Variants in CHRNA4 observed in about 807,000 individuals in gnomAD.
CHRNA4 encodes cholinergic receptor nicotinic alpha 4 subunit.
A neutral mutation model predicts 48.9 loss-of-function variants in CHRNA4; 28 were observed. That is an observed-to-expected ratio of 0.57 (90% CI 0.42 to 0.79). The LOEUF (loss-of-function observed/expected upper bound fraction) is 0.79, where lower values mean the gene tolerates loss of function less well. Among genes scored for constraint, CHRNA4 ranks in the 30% least tolerant of loss-of-function variants. CHRNA4 has a pLI of 0.00. For missense variants in CHRNA4, 859 were observed against 898.4 expected (o/e 0.96, Z 0.56); for synonymous variants, 425 against 402.3 (o/e 1.06, Z -0.68).
chr20:63,356,338 AG>A, intron 3 of CHRNA4, 32 bp downstream of exon 3: 4 of 782,432 alleles, frequency 5.1e-6, no homozygotes, highest in Non-Finnish European at 6.1e-6. Flanking sequence ...GGGGGAGGGC[AG>A]GGGTGGGGCA....
chr20:63,359,784 C>A, intron 1 of CHRNA4, 85 bp from the exon 2 acceptor site: 4 of 1,520,350 alleles, frequency 2.6e-6, no homozygotes, highest in East Asian at 2.4e-5. Context: ...CTGCCCCAGC[C>A]CCCTGCCCAG....
intron 2 of CHRNA4, 152 bp downstream of exon 2, chr20:63,359,396 G>T: frequency 1.0e-6 from 1 of 967,460 alleles, no homozygotes; most frequent in Non-Finnish European, 1.6e-6. Flanking sequence ...GCGGGGCAGA[G>T]CTGGTGGCTG....
In CHRNA4 at chr20:63,349,917, G is replaced by A. The variant is rs137860047; in HGVS notation, c.1494C>T (p.Ala498=). Residue 498 remains alanine, a synonymous_variant, in exon 5 of 6, where the codon GCC becomes GCT. Transcript: ENST00000370263. ...CAGCCTGGCCATCTGCCTCGGGGGCGGCATCGTCTCGGGGAACACAGTACT... is the reference window on the plus strand; with the variant it reads ...CAGCCTGGCCATCTGCCTCGGGGGCAGCATCGTCTCGGGGAACACAGTACT... ...SIQYCVPRDD[A]APEADGQAAG... 5.8e-5 allele frequency: 93 copies of A among 1,594,152 alleles called. 1 individual carries two copies. Among genetic ancestry groups the A allele is most frequent in the South Asian group, 2.2e-4 (20 of 89,162 alleles).
At chr20:63,354,260 T>TGG (rs1209224207) in intron 4 of CHRNA4, among the ~76,000 whole-genome samples, 1 of 58,170 alleles carries the variant, frequency 1.7e-5, no homozygotes, top group Admixed American at 2.7e-4. Context: ...GCTGTGGTCC[T>TGG]GGGGGGCTGT....
rs932840680 is a variant in CHRNA4, at chr20:63,346,015, G to C, written c.*723C>G. ...CTGGGGCTGGGTGTTCCTGTCCCCC[G>C]CGGAGGGCCTGCGCAGGGGAGAGCT... On this transcript the variant is annotated 3_prime_UTR_variant, in exon 6 of 6. Coordinates refer to ENST00000370263, the MANE Select transcript of CHRNA4 (RefSeq NM_000744.7). The C allele has an allele frequency of 2.2e-6, 1 of 454,018 alleles. No homozygotes were observed. Among genetic ancestry groups the C allele is most frequent in the Admixed American group, 2.3e-5 (1 of 42,578 alleles). The allele number at this position is 454,018 out of a possible 1,614,324, so 28.1% of individuals were successfully genotyped here. A position where few individuals can be genotyped will look rare whatever the true frequency, so the allele number is the denominator to read the frequency against.
intron 4 of CHRNA4, 70 bp downstream of exon 4, chr20:63,355,905 C>A: frequency 2.5e-6 from 4 of 1,586,114 alleles, no homozygotes; most frequent in Non-Finnish European, 3.4e-6. Flanking sequence ...CCTGTCTGGG[C>A]AGGGGCAGGC....
intron 4 of CHRNA4, chr20:63,354,509 T>C (rs1263963892): frequency 2.3e-6 from 2 of 864,736 alleles, no homozygotes; most frequent in Middle Eastern, 1.2e-3. Flanking sequence ...CTAGAGGAAC[T>C]GTGGTCCTGG....
Position 63,350,211 on chromosome 20 carries a change from G to A in CHRNA4, c.1200C>T (p.Ser400=), listed in dbSNP as rs121912270. Residue 400 remains serine, a synonymous_variant, in exon 5 of 6, where the codon AGC becomes AGT. Coordinates refer to ENST00000370263, the MANE Select transcript of CHRNA4 (RefSeq NM_000744.7). ...GEPPATSGTQ[S]LHPPSPSFCV... Reference sequence around the variant, plus strand: ...AGAAGGACGGTGAGGGCGGGTGCAGGCTCTGGGTGCCGCTCGTGGCAGGGG... The same window carrying A: ...AGAAGGACGGTGAGGGCGGGTGCAGACTCTGGGTGCCGCTCGTGGCAGGGG... 2 of 1,604,728 alleles carry A rather than the reference G, an allele frequency of 1.2e-6. No individual in the cohort carries two copies. The highest frequency in any genetic ancestry group is 2.2e-5 in the South Asian group (2 of 90,146).
Position 63,346,463 on chromosome 20 carries a change from G to A in CHRNA4, c.*275C>T, listed in dbSNP as rs1045712279. The stretch of plus-strand genomic sequence containing the variant: ...GAGACTCTTGAACTGGACTTAGCCC[G>A]AGTCCTGCAGGTAGAAGGCGCCGAC... On this transcript the variant is annotated 3_prime_UTR_variant, in exon 6 of 6. Coordinates refer to ENST00000370263, the MANE Select transcript of CHRNA4 (RefSeq NM_000744.7). 8 of 621,806 alleles carry A rather than the reference G, an allele frequency of 1.3e-5. No homozygotes were observed. The highest frequency in any genetic ancestry group is 1.8e-5 in the African/African-American group (1 of 55,554). 38.5% of individuals were successfully genotyped at this position (621,806 alleles called of 1,614,324 possible).
chr20:63,354,907 A>G (rs1476566658), intron 4 of CHRNA4, among the ~76,000 whole-genome samples: 2 of 151,956 alleles, frequency 1.3e-5, no homozygotes, highest in African/African-American at 2.4e-5. Flanking sequence ...TCCCCAATGC[A>G]CTCTGGAAAA....
intron 4 of CHRNA4, chr20:63,354,867 C>T (rs1298148483): frequency 6.5e-6 from 1 of 153,652 alleles, no homozygotes; most frequent in Non-Finnish European, 1.4e-5. Context: ...TAAGGGAAGA[C>T]CACCCGCTGC....
At position 63,349,966 on chromosome 20, in the gene CHRNA4, AC is replaced by A; in HGVS notation, c.1444del (p.Val482SerfsTer83). ...SSPGEAVEGG[V>X]RCRSRSIQYC... ...CTGGATGCTCCGAGACCGGCACCGG[AC>A]GCCGCCTTCCACCGCTTCGCCAGGG... On this transcript the variant is annotated frameshift_variant, in exon 5 of 6. Transcript: ENST00000370263. LOFTEE classifies it high-confidence loss of function. 6.4e-7 allele frequency: 1 copy of A among 1,562,468 alleles called. No individual in the cohort carries two copies. The highest frequency in any genetic ancestry group is 8.7e-7 in the Non-Finnish European group (1 of 1,152,686).
Position 63,345,921 on chromosome 20 carries a change from T to A in CHRNA4, c.*817A>T, listed in dbSNP as rs199990492. On this transcript the variant is annotated 3_prime_UTR_variant, in exon 6 of 6. Coordinates refer to ENST00000370263, the MANE Select transcript of CHRNA4 (RefSeq NM_000744.7). This position sits in a 1 kb window ranked among gnomAD's most constrained non-coding sequence, Gnocchi z 5.4. Reference sequence around the variant, plus strand: ...AGGGGCTGAAGCCACTAGGCCCCCGTGGAGCCCTGGCCACCTGCCAGAGCC... The same window carrying A: ...AGGGGCTGAAGCCACTAGGCCCCCGAGGAGCCCTGGCCACCTGCCAGAGCC... 5.7e-5 allele frequency: 26 copies of A among 453,780 alleles called. No homozygotes were observed. Among genetic ancestry groups the A allele is most frequent in the Admixed American group, 4.2e-4 (18 of 42,544 alleles). 28.1% of individuals were successfully genotyped at this position (453,780 alleles called of 1,614,324 possible).
chr20:63,359,536 G>A lies in CHRNA4; in HGVS notation c.228+12C>T, dbSNP rs1013043290. The A allele has an allele frequency of 5.6e-6, 9 of 1,612,522 alleles. No individual in the cohort carries two copies. The highest frequency in any genetic ancestry group is 2.2e-5 in the East Asian group (1 of 44,874). On this transcript the variant is annotated intron_variant, in intron 2 of 5. Transcript: ENST00000370263. ...CTCAGTCACAGTGCACGATGGCCACGCCCTCACCTACCACGTCAATGAGCT... is the reference window on the plus strand; with the variant it reads ...CTCAGTCACAGTGCACGATGGCCACACCCTCACCTACCACGTCAATGAGCT...
In CHRNA4 at chr20:63,345,460, G is replaced by C; in HGVS notation, c.*1278C>G. 1 of 383,502 alleles carries C rather than the reference G, an allele frequency of 2.6e-6. No individual in the cohort carries two copies. The highest frequency in any genetic ancestry group is 5.3e-6 in the Non-Finnish European group (1 of 187,512). The allele number at this position is 383,502 out of a possible 1,614,324, so 23.8% of individuals were successfully genotyped here. The stretch of plus-strand genomic sequence containing the variant: ...AAGTGTGCCCCTGGGGACACTGGGG[G>C]GCTGCCGGGTGCGCCATCTTTAGGG... On this transcript the variant is annotated 3_prime_UTR_variant, in exon 6 of 6. Transcript: ENST00000370263. The surrounding 1 kb of genome is among the most constrained non-coding windows in gnomAD (Gnocchi z 5.4).
Position 63,361,235 on chromosome 20 carries a change from G to A in CHRNA4, c.-70C>T, listed in dbSNP as rs1224791817. On this transcript the variant is annotated 5_prime_UTR_variant, in exon 1 of 6. Coordinates refer to ENST00000370263, the MANE Select transcript of CHRNA4 (RefSeq NM_000744.7). ...CCCCGCCGCTTCGAGGCCCGTGCGC[G>A]CCCAACTTCATGCCTCCCGCGCCTC... The A allele has an allele frequency of 6.9e-6, 10 of 1,440,606 alleles. No homozygotes were observed. The Admixed American group carries it at 1.6e-4, about 23-fold the overall frequency. The allele number at this position is 1,440,606 out of a possible 1,614,324, so 89.2% of individuals were successfully genotyped here.
intron 2 of CHRNA4, among the ~76,000 whole-genome samples, chr20:63,356,817 C>A (rs907212558): frequency 1.3e-5 from 2 of 152,136 alleles, no homozygotes; most frequent in Non-Finnish European, 2.9e-5. Context: ...CTGCCCCTGG[C>A]ACATAAGTGG....
intron 4 of CHRNA4, among the ~76,000 whole-genome samples, chr20:63,351,870 C>G (rs979590764): frequency 8.5e-5 from 13 of 152,234 alleles, no homozygotes; most frequent in African/African-American, 3.1e-4. Context: ...GCCCCAGCCC[C>G]TGGTTCCATA....
chr20:63,353,481 TGGGGGGGCTGTGGTCCTA>T (rs1361052171), intron 4 of CHRNA4, among the ~76,000 whole-genome samples: 1 of 31,676 alleles, frequency 3.2e-5, no homozygotes, highest in African/African-American at 1.3e-4. Flanking sequence ...GCTGTGGTCC[TGGGGGGGCTGTGGTCCTA>T]GGGGGGGCTG....
Sources: gnomAD v4.1 joint callset for allele counts (sites outside exome capture counted in the v4.1 genomes callset) on GRCh38, gnomAD v4.1.1 for gene constraint, Gnocchi (gnomAD v3.1) non-coding constraint, MANE v1.5 for transcripts, NCBI Gene and HGNC (gene_info 2026-07-23, HGNC 2026-07-21) for gene names.